HECTD4: variants seen among roughly 807,000 people sequenced by gnomAD.
The protein encoded by HECTD4 is probable E3 ubiquitin-protein ligase HECTD4.
Under a neutral mutation model 471.5 loss-of-function variants are expected in HECTD4, and 114 were observed. The observed-to-expected ratio is 0.24, with a 90% confidence interval of 0.21 to 0.28. The LOEUF is 0.28. HECTD4 is among the 10% of genes least tolerant of loss of function. HECTD4 has a pLI of 1.00. For synonymous variants in HECTD4, 2,012 were observed against 2,256.0 expected (o/e 0.89, Z 3.07); for missense variants, 3,866 against 5,651.5 (o/e 0.68, Z 10.13).
chr12:112,250,327 G>A lies in HECTD4; in HGVS notation c.3767C>T (p.Pro1256Leu), dbSNP rs1208722334. 3 of 1,613,948 alleles carry A rather than the reference G, an allele frequency of 1.9e-6. No individual in the cohort carries two copies. Among genetic ancestry groups the A allele is most frequent in the Non-Finnish European group, 2.5e-6 (3 of 1,179,860 alleles). The change falls in exon 25 of 76, where the codon CCG (proline) becomes CTG (leucine). Residue 1256 changes from proline (P) to leucine (L), a missense_variant. Physicochemically the swap from Pro to Leu is moderately conservative, Grantham distance 98. Around this residue, in one of 16 missense-constraint regions of HECTD4, gnomAD observed 281 missense variants for 499.9 expected, o/e 0.56. Transcript: ENST00000682272. ...GGTCAGAGGCAGTGGAGAGGGGCTCGGAGTAAGGGCAGGGGAGATCACGCC... is the reference window on the plus strand; with the variant it reads ...GGTCAGAGGCAGTGGAGAGGGGCTCAGAGTAAGGGCAGGGGAGATCACGCC... ...ANGVISPALT[P>L]SPSPLPLTIE...
At chr12:112,224,221 A>T (rs2033169559) in intron 44 of HECTD4, among the ~76,000 whole-genome samples, 1 of 151,496 alleles carries the variant, frequency 6.6e-6, no homozygotes, top group Non-Finnish European at 1.5e-5. Context: ...TTTACTTCAA[A>T]TGTCAGAACC....
Position 112,338,905 on chromosome 12 carries a change from A to T in HECTD4, c.178-19163T>A, listed in dbSNP as rs573293507. Among the ~76,000 whole-genome samples the T allele has an allele frequency of 2.7e-4, 41 of 152,290 alleles. No individual in the cohort carries two copies. The South Asian group carries it at 8.5e-3, about 32-fold the overall frequency. Reference sequence around the variant, plus strand: ...TGAGAACTCACTCACCAGTGAGGACAGCACCAAGAATACGCCCCTATGACC... The same window carrying T: ...TGAGAACTCACTCACCAGTGAGGACTGCACCAAGAATACGCCCCTATGACC... On this transcript the variant is annotated intron_variant, in intron 1 of 75. Transcript: ENST00000682272.
Position 112,184,777 on chromosome 12 carries a change from G to A in HECTD4, c.10189C>T (p.Arg3397Cys). 1 of 1,611,320 alleles carries A rather than the reference G, an allele frequency of 6.2e-7. No individual in the cohort carries two copies. Residue 3397 changes from arginine to cysteine, a missense_variant, in exon 61 of 76, where the codon CGC becomes TGC. Coordinates refer to ENST00000682272, the MANE Select transcript of HECTD4 (RefSeq NM_001388303.1). This position sits in a 1 kb window ranked among gnomAD's most constrained non-coding sequence, Gnocchi z 9.1. ...GGGATCCCGGAGATCACCAGCAAGCGGCTGTGGGCGGTGGGGCCCACCAGG... is the reference window on the plus strand; with the variant it reads ...GGGATCCCGGAGATCACCAGCAAGCAGCTGTGGGCGGTGGGGCCCACCAGG... ...QALVGPTAHS[R>C]LLVISGIPTH...
At chr12:112,201,015 G>C in intron 54 of HECTD4, 6 of 587,444 alleles carry the variant, frequency 1.0e-5, no homozygotes, top group Non-Finnish European at 1.5e-5. Flanking sequence ...CATATTATAA[G>C]TAATCTTATT....
At chr12:112,244,513 C>T (rs868091490) in intron 29 of HECTD4, among the ~76,000 whole-genome samples, 1 of 151,986 alleles carries the variant, frequency 6.6e-6, no homozygotes, top group African/African-American at 2.4e-5. Context: ...CGATTACAGG[C>T]GTGCACCACC....
chr12:112,207,585 A>T (rs2032629658), intron 52 of HECTD4, among the ~76,000 whole-genome samples: 1 of 152,220 alleles, frequency 6.6e-6, no homozygotes, highest in Admixed American at 6.5e-5. Context: ...GGTAAACAGT[A>T]TGACTTCAGA....
chr12:112,309,688 A>G lies in HECTD4; in HGVS notation c.917-19T>C, dbSNP rs1352257604. On this transcript the variant is annotated intron_variant, in intron 4 of 75. Coordinates refer to ENST00000682272, the MANE Select transcript of HECTD4 (RefSeq NM_001388303.1). Reference sequence around the variant, plus strand: ...TCAGCATCTGAAATCGTTTTTTCACAGGTAAATTATATATATGTTTTTTCT... The same window carrying G: ...TCAGCATCTGAAATCGTTTTTTCACGGGTAAATTATATATATGTTTTTTCT... 14 of 1,196,416 alleles carry G rather than the reference A, an allele frequency of 1.2e-5. No homozygotes were observed. The highest frequency in any genetic ancestry group is 1.7e-5 in the Non-Finnish European group (14 of 846,070). The allele number at this position is 1,196,416 out of a possible 1,614,324, so 74.1% of individuals were successfully genotyped here.
intron 52 of HECTD4, among the ~76,000 whole-genome samples, chr12:112,206,043 T>C (rs17821235): frequency 0.026 from 3,982 of 152,320 alleles, 71 homozygotes; most frequent in Non-Finnish European, 0.043. Context: ...CATACGATTA[T>C]GTTTGATAGC....
chr12:112,270,937 T>C (rs912940446), intron 11 of HECTD4, among the ~76,000 whole-genome samples: 11 of 152,184 alleles, frequency 7.2e-5, no homozygotes, highest in Non-Finnish European at 1.2e-4. Context: ...TGTCTATAAA[T>C]AGCTCCTCAT....
At chr12:112,180,717 T>A (rs2031637741) in intron 62 of HECTD4, among the ~76,000 whole-genome samples, 1 of 152,006 alleles carries the variant, frequency 6.6e-6, no homozygotes, top group Non-Finnish European at 1.5e-5. Context: ...CTGGGAAAGA[T>A]AATCATGGCA....
chr12:112,382,308 GC>G lies in HECTD4; in HGVS notation c.-181del, dbSNP rs1475041429. ...CCGAGTCGCCATACCCCCGACCCCG[GC>G]CCGGGAGACCCCGGCCCTGCCGCCG... is the stretch of plus-strand genomic sequence containing the variant. On this transcript the variant is annotated 5_prime_UTR_variant, in exon 1 of 76. Coordinates refer to ENST00000682272, the MANE Select transcript of HECTD4 (RefSeq NM_001388303.1). The G allele has an allele frequency of 6.1e-5, 29 of 473,888 alleles. No homozygotes were observed. Among genetic ancestry groups the G allele is most frequent in the Non-Finnish European group, 8.7e-5 (27 of 311,544 alleles). The allele number at this position is 473,888 out of a possible 1,614,324, so 29.4% of individuals were successfully genotyped here.
rs1391807578 is a variant in HECTD4 at position 112,164,283 on chromosome 12, G to T, written c.12535-8C>A. 6.2e-7 allele frequency: 1 copy of T among 1,608,466 alleles called. No homozygotes were observed. The highest frequency in any genetic ancestry group is 1.3e-5 in the African/African-American group (1 of 74,952). Reference sequence around the variant, plus strand: ...CTCGGTCTCATCATTGATCTGGAGGGTGGAGGCAGAGCGAGGCTCATTATG... The same window carrying T: ...CTCGGTCTCATCATTGATCTGGAGGTTGGAGGCAGAGCGAGGCTCATTATG... On this transcript the variant is annotated splice_polypyrimidine_tract_variant and splice_region_variant and intron_variant, in intron 72 of 75. Coordinates refer to ENST00000682272, the MANE Select transcript of HECTD4 (RefSeq NM_001388303.1).
intron 44 of HECTD4, among the ~76,000 whole-genome samples, chr12:112,220,455 G>A (rs1304553568): frequency 6.6e-6 from 1 of 152,012 alleles, no homozygotes; most frequent in Non-Finnish European, 1.5e-5. Context: ...AATGAGCAGT[G>A]ACTTCATTCG....
At chr12:112,321,433 A>C (rs1227712284) in intron 1 of HECTD4, among the ~76,000 whole-genome samples, 1 of 152,182 alleles carries the variant, frequency 6.6e-6, no homozygotes, top group Non-Finnish European at 1.5e-5. Context: ...TCAACAAAGG[A>C]GGGCACTCTA....
chr12:112,264,303 A>C (rs921611720), intron 16 of HECTD4, 91 bp from the exon 17 acceptor site: 3 of 1,236,358 alleles, frequency 2.4e-6, no homozygotes, highest in Non-Finnish European at 3.2e-6. Flanking sequence ...TTTGACAAAG[A>C]AAACAAAAAG....
In HECTD4 at chr12:112,328,110, C is replaced by CTATTTATTTATTTATT. The variant is rs58061315; in HGVS notation, c.178-8384_178-8369dup. The stretch of plus-strand genomic sequence containing the variant: ...CTAGACTTGCAACCTCAATGTAAAA[C>CTATTTATTTATTTATT]TATTTATTTATTTATTTATTTATTT... On this transcript the variant is annotated intron_variant, in intron 1 of 75. Coordinates refer to ENST00000682272, the MANE Select transcript of HECTD4 (RefSeq NM_001388303.1). Among the ~76,000 whole-genome samples, 111 of 145,798 alleles carry CTATTTATTTATTTATT rather than the reference C, an allele frequency of 7.6e-4. 1 individual carries two copies. The East Asian group carries it at 9.9e-3, about 13-fold the overall frequency.
intron 1 of HECTD4, among the ~76,000 whole-genome samples, chr12:112,358,774 A>C (rs1320033920): frequency 6.6e-6 from 1 of 152,204 alleles, no homozygotes; most frequent in Non-Finnish European, 1.5e-5. Context: ...ATAAGGCTAC[A>C]AGAGACAGAG....
At chr12:112,301,061 T>A (rs12300633) in intron 7 of HECTD4, among the ~76,000 whole-genome samples, 9 of 151,040 alleles carry the variant, frequency 6.0e-5, no homozygotes, top group African/African-American at 2.2e-4. Context: ...ATTTTTTTTT[T>A]ATTTTTAGTA....
chr12:112,325,425 C>T (rs2035722558), intron 1 of HECTD4, among the ~76,000 whole-genome samples: 1 of 152,154 alleles, frequency 6.6e-6, no homozygotes, highest in South Asian at 2.1e-4. Flanking sequence ...GAACTGTTTG[C>T]TATGCCACTG....
Sources: gnomAD v4.1 joint callset for allele counts (sites outside exome capture counted in the v4.1 genomes callset) on GRCh38, gnomAD v4.1.1 for gene constraint, gnomAD v4.1.1 regional missense constraint, Gnocchi (gnomAD v3.1) non-coding constraint, MANE v1.5 for transcripts, NCBI Gene and HGNC (gene_info 2026-07-23, HGNC 2026-07-21) for gene names.